NAALADL2: variants seen among roughly 807,000 people sequenced by gnomAD.
NAALADL2 encodes the protein N-acetylated alpha-linked acidic dipeptidase like 2, also known as inactive N-acetylated-alpha-linked acidic dipeptidase-like protein 2.
A neutral mutation model predicts 87.2 loss-of-function variants in NAALADL2; 76 were observed. The ratio of observed to expected loss-of-function variants is 0.87; its 90% CI spans 0.72 to 1.05. The LOEUF (loss-of-function observed/expected upper bound fraction) is 1.05. Among genes scored for constraint, NAALADL2 ranks in the 50% least tolerant of loss-of-function variants. The pLI, the probability that NAALADL2 is intolerant of heterozygous loss-of-function variation, is 0.00. For missense variants in NAALADL2, 1,089 were observed against 945.8 expected, an observed-to-expected ratio of 1.15 and a Z score of -1.99; for synonymous variants, 354 against 331.0, an observed-to-expected ratio of 1.07 and a Z score of -0.75.
chr3:175,101,294 G>A (rs187084938), intron 2 of NAALADL2, among the ~76,000 whole-genome samples: 1 of 152,268 alleles, frequency 6.6e-6, no homozygotes, highest in East Asian at 1.9e-4. Context: ...TCTCCAGGAT[G>A]AAATGTCATT....
chr3:175,093,194 G>T (rs979568426), intron 1 of NAALADL2, among the ~76,000 whole-genome samples: 2 of 151,544 alleles, frequency 1.3e-5, no homozygotes, highest in Non-Finnish European at 3.0e-5. Context: ...TGATTTTGCT[G>T]AATATTTGTC....
chr3:174,680,944 G>C (rs1301641227), intron 2 of NAALADL2, among the ~76,000 whole-genome samples: 1 of 152,190 alleles, frequency 6.6e-6, no homozygotes, highest in African/African-American at 2.4e-5. Flanking sequence ...GGGTGGGAAA[G>C]AGCATCTTGA....
intron 2 of NAALADL2, among the ~76,000 whole-genome samples, chr3:175,117,980 C>T (rs1179430184): frequency 1.3e-5 from 2 of 151,840 alleles, no homozygotes; most frequent in African/African-American, 4.8e-5. Context: ...ATGGATGAAG[C>T]TAGAAACCAT....
chr3:175,359,050 A>T (rs1764694059), intron 5 of NAALADL2, among the ~76,000 whole-genome samples: 1 of 152,084 alleles, frequency 6.6e-6, no homozygotes, highest in Non-Finnish European at 1.5e-5. Context: ...GTAACCAATT[A>T]TTTTTTTAAC....
At chr3:175,116,536 G>A (rs1476533054) in intron 2 of NAALADL2, among the ~76,000 whole-genome samples, 2 of 151,916 alleles carry the variant, frequency 1.3e-5, no homozygotes, top group East Asian at 3.9e-4. Flanking sequence ...GGGATGTGAA[G>A]GACCTCTTCA....
At position 175,377,002 on chromosome 3, in the gene NAALADL2, CT is replaced by C. The variant is rs1454680233; in HGVS notation, c.1090+52681del. Among the ~76,000 whole-genome samples the C allele has an allele frequency of 1.6e-3, 210 of 131,588 alleles. 1 individual carries two copies. The highest frequency in any genetic ancestry group is 5.7e-3 in the African/African-American group (197 of 34,484). 86.3% of individuals were successfully genotyped at this position (131,588 alleles called of 152,430 possible). The stretch of plus-strand genomic sequence containing the variant: ...TGTATTTATTTGCTTACCTGGCCTT[CT>C]TTTAAAAAAAAAAAATTATTGAATT... On this transcript the variant is annotated intron_variant, in intron 5 of 13. Transcript: ENST00000454872.
At chr3:175,478,960 A>G (rs1190132252) in intron 9 of NAALADL2, among the ~76,000 whole-genome samples, 1 of 151,866 alleles carries the variant, frequency 6.6e-6, no homozygotes, top group Admixed American at 6.6e-5. Context: ...AATAATTTAC[A>G]TAACACTACA....
intron 2 of NAALADL2, among the ~76,000 whole-genome samples, chr3:174,608,667 A>G (rs1719409838): frequency 6.6e-6 from 1 of 152,092 alleles, no homozygotes; most frequent in Non-Finnish European, 1.5e-5. Flanking sequence ...TGTGGCAATA[A>G]TCAATAGCTT....
At chr3:175,238,337 C>G (rs1746265647) in intron 3 of NAALADL2, among the ~76,000 whole-genome samples, 1 of 151,910 alleles carries the variant, frequency 6.6e-6, no homozygotes, top group East Asian at 1.9e-4. Context: ...ATAAAGTTAA[C>G]TGTAGATGTA....
rs1222257259 is a variant in NAALADL2, at chr3:175,805,223, A to G, written c.*2020A>G. On this transcript the variant is annotated 3_prime_UTR_variant, in exon 14 of 14. Coordinates refer to ENST00000454872, the MANE Select transcript of NAALADL2 (RefSeq NM_207015.3). ...TCAGTTTGGTAGTTCATTATTTTAG[A>G]ACAAATTTCTAAATTAATTTATTCC... 1 of 151,932 alleles carries G rather than the reference A, an allele frequency of 6.6e-6. No individual in the cohort carries two copies. Among genetic ancestry groups the G allele is most frequent in the Non-Finnish European group, 1.5e-5 (1 of 67,886 alleles). 9.4% of individuals were successfully genotyped at this position (151,932 alleles called of 1,614,324 possible).
intron 11 of NAALADL2, among the ~76,000 whole-genome samples, chr3:175,666,017 T>A (rs1732940450): frequency 6.6e-6 from 1 of 152,110 alleles, no homozygotes; most frequent in East Asian, 1.9e-4. Context: ...GATAATGACA[T>A]CCCTGTTTTA....
At chr3:175,196,528 A>G (rs1739024664) in intron 2 of NAALADL2, among the ~76,000 whole-genome samples, 2 of 151,944 alleles carry the variant, frequency 1.3e-5, no homozygotes, top group African/African-American at 4.8e-5. Context: ...TTATTAAACC[A>G]TCCTTAGCTG....
At chr3:175,728,401 G>A (rs889835965) in intron 11 of NAALADL2, among the ~76,000 whole-genome samples, 1 of 152,104 alleles carries the variant, frequency 6.6e-6, no homozygotes, top group Non-Finnish European at 1.5e-5. Context: ...CTAATTTTGG[G>A]GGGAAATAAC....
intron 1 of NAALADL2, among the ~76,000 whole-genome samples, chr3:174,493,237 G>C (rs149523908): frequency 2.2e-3 from 339 of 152,248 alleles, no homozygotes; most frequent in Non-Finnish European, 3.5e-3. Flanking sequence ...GGTATTTTTA[G>C]AAGTGATAAT....
chr3:175,365,790 C>G (rs1413738853), intron 5 of NAALADL2, among the ~76,000 whole-genome samples: 1 of 147,058 alleles, frequency 6.8e-6, no homozygotes, highest in African/African-American at 2.5e-5. Context: ...TATAATTTTG[C>G]AAAATATTGT....
chr3:174,879,079 C>T (rs1307824732), intron 1 of NAALADL2, among the ~76,000 whole-genome samples: 1 of 151,970 alleles, frequency 6.6e-6, no homozygotes, highest in East Asian at 1.9e-4. Flanking sequence ...TTGTATTTTT[C>T]AAGGTTATAC....
At chr3:175,549,572 A>G (rs978649046) in intron 9 of NAALADL2, among the ~76,000 whole-genome samples, 7 of 151,934 alleles carry the variant, frequency 4.6e-5, no homozygotes, top group African/African-American at 1.7e-4. Flanking sequence ...AGACAATCAG[A>G]GACTGTGAGC....
intron 10 of NAALADL2, among the ~76,000 whole-genome samples, chr3:175,623,664 A>G (rs1013188872): frequency 6.6e-6 from 1 of 152,076 alleles, no homozygotes; most frequent in African/African-American, 2.4e-5. Flanking sequence ...AGCAGAAAGA[A>G]GAGCTACACA....
intron 3 of NAALADL2, among the ~76,000 whole-genome samples, chr3:174,818,704 A>T (rs987729497): frequency 1.3e-5 from 2 of 152,070 alleles, no homozygotes; most frequent in Non-Finnish European, 2.9e-5. Flanking sequence ...CTGTAAAAAG[A>T]TTTAGATACA....
Sources: gnomAD v4.1 joint callset for allele counts (sites outside exome capture counted in the v4.1 genomes callset) on GRCh38, gnomAD v4.1.1 for gene constraint, MANE v1.5 for transcripts, NCBI Gene and HGNC (gene_info 2026-07-23, HGNC 2026-07-21) for gene names.